The following RELN variants were observed in gnomAD, a reference collection of about 807,000 sequenced individuals.
The protein encoded by RELN is reelin.
A neutral mutation model predicts 427.6 loss-of-function variants in RELN; 108 were observed. That is an observed-to-expected ratio of 0.25 (90% CI 0.22 to 0.30). The LOEUF (loss-of-function observed/expected upper bound fraction) is 0.30, where lower values mean the gene tolerates loss of function less well. RELN is among the 10% of genes least tolerant of loss of function. The pLI is 1.00. For missense variants in RELN, 3,715 were observed against 4,302.8 expected, an observed-to-expected ratio of 0.86 and a Z score of 3.82; for synonymous variants, 1,524 against 1,513.4, an observed-to-expected ratio of 1.01 and a Z score of -0.16.
At chr7:103,848,034 T>C (rs563237648) in intron 2 of RELN, among the ~76,000 whole-genome samples, 1 of 152,340 alleles carries the variant, frequency 6.6e-6, no homozygotes, top group African/African-American at 2.4e-5. Flanking sequence ...TCACAGGTTA[T>C]TTAGATATAA....
At chr7:103,561,749 C>A (rs369925151) in intron 35 of RELN, 40 bp from the exon 36 acceptor site, 1 of 1,613,530 alleles carries the variant, frequency 6.2e-7, no homozygotes, top group Non-Finnish European at 8.5e-7. Flanking sequence ...ATTTGTCACA[C>A]GTTCAACAAG....
At chr7:103,914,575 TGCTAATGGCTTTACATAA>T (rs1036662241) in intron 2 of RELN, among the ~76,000 whole-genome samples, 73 of 152,294 alleles carry the variant, frequency 4.8e-4, no homozygotes, top group African/African-American at 1.7e-3. Flanking sequence ...TTTTTTTATG[TGCTAATGGCTTTACATAA>T]ATCACTTCCT....
Position 103,762,736 on chromosome 7 carries a change from T to C in RELN, c.545-9522A>G, listed in dbSNP as rs532759458. ...TTTTCTTCCTTATTGCTTGTACATA[T>C]GTCATCTTCTTCCTTCACTTTTCTT... On this transcript the variant is annotated intron_variant, in intron 4 of 64. Coordinates refer to ENST00000428762, the MANE Select transcript of RELN (RefSeq NM_005045.4). 3.9e-5 allele frequency among the ~76,000 whole-genome samples: 6 copies of C among 152,354 alleles called. 1 individual carries two copies. Among genetic ancestry groups the C allele is most frequent in the African/African-American group, 1.2e-4 (5 of 41,588 alleles).
At position 103,776,543 on chromosome 7, in the gene RELN, A is replaced by G; in HGVS notation, c.544+14T>C. ...GTTTGGACATAACACAAACAAATCA[A>G]ATGTGACGCTTACCTCCTTGTTCAC... On this transcript the variant is annotated intron_variant, in intron 4 of 64. Transcript: ENST00000428762. 1 of 1,613,986 alleles carries G rather than the reference A, an allele frequency of 6.2e-7. No homozygotes were observed. The highest frequency in any genetic ancestry group is 1.7e-5 in the Admixed American group (1 of 60,018).
At chr7:103,619,394 C>G (rs983848511) in intron 20 of RELN, among the ~76,000 whole-genome samples, 3 of 152,204 alleles carry the variant, frequency 2.0e-5, no homozygotes, top group African/African-American at 7.2e-5. Context: ...AGCTCCTCCA[C>G]CCCTTCTGTT....
intron 56 of RELN, 31 bp from the exon 57 acceptor site, chr7:103,495,929 T>C: frequency 6.2e-7 from 1 of 1,610,538 alleles, no homozygotes; most frequent in South Asian, 1.1e-5. Context: ...CAATATGGCA[T>C]ATTATTCTCT....
chr7:103,498,850 C>G (rs1828927839), intron 53 of RELN, among the ~76,000 whole-genome samples: 1 of 152,078 alleles, frequency 6.6e-6, no homozygotes, highest in South Asian at 2.1e-4. Context: ...CATATACCCC[C>G]AAACATGTAT....
intron 20 of RELN, among the ~76,000 whole-genome samples, chr7:103,629,008 C>T (rs1469729609): frequency 1.3e-5 from 2 of 152,170 alleles, no homozygotes; most frequent in Non-Finnish European, 2.9e-5. Flanking sequence ...TTGAATACGC[C>T]ATGGTCACTC....
chr7:103,773,153 TTTCTTTC>T (rs1337566901), intron 4 of RELN, among the ~76,000 whole-genome samples: 2 of 131,464 alleles, frequency 1.5e-5, no homozygotes, highest in African/African-American at 5.7e-5. Context: ...TCTTTCTTTC[TTTCTTTC>T]TTTCTTTTTC....
At chr7:103,664,123 G>A (rs992504406) in intron 11 of RELN, among the ~76,000 whole-genome samples, 3 of 152,202 alleles carry the variant, frequency 2.0e-5, no homozygotes, top group African/African-American at 7.2e-5. Flanking sequence ...CCACATTCAA[G>A]AGGACTCTGA....
At chr7:103,693,812 C>T (rs1833921811) in intron 10 of RELN, among the ~76,000 whole-genome samples, 1 of 152,124 alleles carries the variant, frequency 6.6e-6, no homozygotes, top group African/African-American at 2.4e-5. Context: ...CAGTTGGCTA[C>T]ATTAGACTGT....
At position 103,920,593 on chromosome 7, in the gene RELN, T is replaced by TTTTTTTTTTTTGA. The variant is rs57282777; in HGVS notation, c.227-3409_227-3408insTCAAAAAAAAAAA. 8.2e-4 allele frequency among the ~76,000 whole-genome samples: 106 copies of TTTTTTTTTTTTGA among 129,372 alleles called. 3 individuals carry two copies. Among genetic ancestry groups the TTTTTTTTTTTTGA allele is most frequent in the African/African-American group, 3.0e-3 (99 of 32,822 alleles). The allele number at this position is 129,372 out of a possible 152,430, so 84.9% of individuals were successfully genotyped here. A position where few individuals can be genotyped will look rare whatever the true frequency, so the allele number is the denominator to read the frequency against. ...TTTTTTTTTTTGTTTTTTTTTTTTT[T>TTTTTTTTTTTTGA]GAGAGAGTCTCGCTCTCTTACCCAG... On this transcript the variant is annotated intron_variant, in intron 1 of 64. Transcript: ENST00000428762.
chr7:103,882,804 C>A (rs1399702016), intron 2 of RELN, among the ~76,000 whole-genome samples: 5 of 152,044 alleles, frequency 3.3e-5, no homozygotes, highest in African/African-American at 1.2e-4. Flanking sequence ...AATAGCCTAC[C>A]AGCCAAAAAA....
intron 1 of RELN, among the ~76,000 whole-genome samples, chr7:103,963,135 T>TTTTTTTTC (rs1796595557): frequency 6.0e-5 from 1 of 16,718 alleles, no homozygotes; most frequent in South Asian, 1.3e-3. Flanking sequence ...TTTCGCCTTC[T>TTTTTTTTC]TTTTTTTTTC....
chr7:103,603,481 CT>C lies in RELN; in HGVS notation c.3155del (p.Gln1052ArgfsTer41), dbSNP rs1437809989. ...GGTGGCATTCAGTGCCTTGGTACCC[CT>C]GGTCACACCTATGAGAGAGCAGGGC... ...SCDHGICRCD[Q>X]GYQGTECHPE... On this transcript the variant is annotated frameshift_variant, in exon 24 of 65. Transcript: ENST00000428762. LOFTEE classifies it high-confidence loss of function. This position sits in a 1 kb window ranked among gnomAD's most constrained non-coding sequence, Gnocchi z 4.3. 6.2e-7 allele frequency: 1 copy of C among 1,613,638 alleles called. No individual in the cohort carries two copies. The highest frequency in any genetic ancestry group is 8.5e-7 in the Non-Finnish European group (1 of 1,179,750).
At chr7:103,972,902 G>GTGTGTGTGTGTC (rs1275233341) in intron 1 of RELN, among the ~76,000 whole-genome samples, 4 of 151,858 alleles carry the variant, frequency 2.6e-5, no homozygotes, top group African/African-American at 9.7e-5. Flanking sequence ...TTATGTGTGT[G>GTGTGTGTGTGTC]TGTGTGTGTG....
intron 6 of RELN, among the ~76,000 whole-genome samples, chr7:103,747,234 A>AG (rs1790862218): frequency 1.4e-5 from 2 of 140,256 alleles, no homozygotes; most frequent in African/African-American, 5.4e-5. Flanking sequence ...GGCCACAGGA[A>AG]GGGGAACATC....
At chr7:103,964,947 T>C (rs1031570887) in intron 1 of RELN, among the ~76,000 whole-genome samples, 2 of 152,246 alleles carry the variant, frequency 1.3e-5, no homozygotes, top group Non-Finnish European at 2.9e-5. Flanking sequence ...TCTGAACTTC[T>C]GTTTTGTGCT....
intron 8 of RELN, among the ~76,000 whole-genome samples, chr7:103,711,147 T>C (rs1276927546): frequency 1.3e-5 from 2 of 152,226 alleles, no homozygotes; most frequent in East Asian, 1.9e-4. Flanking sequence ...AACAAAAATG[T>C]TGTATTTCTT....
Sources: gnomAD v4.1 joint callset for allele counts (sites outside exome capture counted in the v4.1 genomes callset) on GRCh38, gnomAD v4.1.1 for gene constraint, Gnocchi (gnomAD v3.1) non-coding constraint, MANE v1.5 for transcripts, NCBI Gene and HGNC (gene_info 2026-07-23, HGNC 2026-07-21) for gene names.